Variants in TBX20 observed in about 807,000 individuals in gnomAD.
The protein encoded by TBX20 is T-box transcription factor TBX20.
A neutral mutation model predicts 42.9 loss-of-function variants in TBX20; 8 were observed. The observed-to-expected ratio is 0.19, with a 90% CI of 0.11 to 0.34. The LOEUF is 0.34. Ranked by LOEUF, TBX20 falls within the 10% of genes least tolerant of loss-of-function variation. TBX20 has a pLI of 1.00. For missense variants in TBX20, 411 were observed against 566.0 expected, an observed-to-expected ratio of 0.73 and a Z score of 2.78; for synonymous variants, 198 against 222.8, an observed-to-expected ratio of 0.89 and a Z score of 0.99.
At chr7:35,231,395 A>G (rs1789863207) in intron 6 of TBX20, 109 bp downstream of exon 6, 1 of 759,698 alleles carries the variant, frequency 1.3e-6, no homozygotes, top group Non-Finnish European at 2.3e-6. Context: ...ATAGAAGACT[A>G]TATATAGTAA....
chr7:35,253,585 G>T lies in TBX20; in HGVS notation c.36C>A (p.Ser12=). 6.2e-7 allele frequency: 1 copy of T among 1,612,262 alleles called. No individual in the cohort carries two copies. Among genetic ancestry groups the T allele is most frequent in the Non-Finnish European group, 8.5e-7 (1 of 1,180,012 alleles). The part of the protein sequence containing the change: ...EFTASPKPQL[S]SRANAFSIAA... ...CAATGGAGAAGGCGTTGGCCCGAGA[G>T]GAGAGTTGGGGCTTGGGGGACGCCG... The change falls in exon 1 of 8, where the codon TCC becomes TCA. Residue 12 remains serine, a synonymous_variant. Coordinates refer to ENST00000408931, the MANE Select transcript of TBX20 (RefSeq NM_001077653.2).
At chr7:35,253,352 C>A in intron 1 of TBX20, 142 bp downstream of exon 1, 1 of 985,062 alleles carries the variant, frequency 1.0e-6, no homozygotes, top group South Asian at 1.5e-5. Context: ...AAACTTGGAC[C>A]CAAAAGAAAA....
intron 1 of TBX20, among the ~76,000 whole-genome samples, chr7:35,251,847 G>T (rs1790311566): frequency 1.3e-5 from 2 of 152,164 alleles, no homozygotes; most frequent in Admixed American, 1.3e-4. Context: ...TCCTTGGCTT[G>T]CAGTCACCTC....
chr7:35,241,390 A>G (rs1222927805), intron 4 of TBX20, among the ~76,000 whole-genome samples: 1 of 152,250 alleles, frequency 6.6e-6, no homozygotes, highest in Non-Finnish European at 1.5e-5. Context: ...ACGCATGTCT[A>G]AATTTTCTAA....
chr7:35,253,439 A>AGACG, intron 1 of TBX20, 55 bp downstream of exon 1: 1 of 1,575,318 alleles, frequency 6.3e-7, no homozygotes, highest in Non-Finnish European at 8.6e-7. Context: ...CCAGGGGCAC[A>AGACG]GACGGATGCG....
intron 6 of TBX20, among the ~76,000 whole-genome samples, chr7:35,215,576 G>GTT (rs1789575515): frequency 6.6e-6 from 1 of 152,122 alleles, no homozygotes; most frequent in African/African-American, 2.4e-5. Context: ...ACAGACTGTA[G>GTT]TTTTAGTAGA....
chr7:35,205,070 ACT>A (rs1262515024), intron 6 of TBX20, among the ~76,000 whole-genome samples: 2 of 152,212 alleles, frequency 1.3e-5, no homozygotes, highest in Admixed American at 6.5e-5. Flanking sequence ...TCAGCGAAAG[ACT>A]CTAATATTCA....
At chr7:35,208,738 G>A (rs948014856) in intron 6 of TBX20, among the ~76,000 whole-genome samples, 72 of 49,722 alleles carry the variant, frequency 1.4e-3, no homozygotes, top group Middle Eastern at 0.025. Context: ...GCGAAACTCC[G>A]TCTCAAAAAA....
chr7:35,216,526 C>T (rs1004361866), intron 6 of TBX20, among the ~76,000 whole-genome samples: 1 of 152,250 alleles, frequency 6.6e-6, no homozygotes, highest in African/African-American at 2.4e-5. Flanking sequence ...TAATTGGTAC[C>T]TGACACATAA....
chr7:35,233,727 G>A (rs1421131564), intron 5 of TBX20, among the ~76,000 whole-genome samples: 3 of 152,192 alleles, frequency 2.0e-5, no homozygotes, highest in Non-Finnish European at 4.4e-5. Flanking sequence ...AAATCCTCCA[G>A]GACATGAGCT....
Position 35,253,477 on chromosome 7 carries a change from C to T in TBX20, c.127+17G>A. The stretch of plus-strand genomic sequence containing the variant: ...GCATCCCCAGTCCTCGGCGGACAGC[C>T]GGGTAGCCCAACTTACCCAGGGGTT... On this transcript the variant is annotated intron_variant, in intron 1 of 7. Coordinates refer to ENST00000408931, the MANE Select transcript of TBX20 (RefSeq NM_001077653.2). 6.2e-7 allele frequency: 1 copy of T among 1,605,924 alleles called. No individual in the cohort carries two copies. Among genetic ancestry groups the T allele is most frequent in the Non-Finnish European group, 8.5e-7 (1 of 1,176,622 alleles).
At chr7:35,247,671 A>T (rs1012237022) in intron 3 of TBX20, among the ~76,000 whole-genome samples, 2 of 152,196 alleles carry the variant, frequency 1.3e-5, no homozygotes, top group African/African-American at 4.8e-5. Flanking sequence ...CAGTTCCCAA[A>T]TCTGTACATT....
At chr7:35,224,978 T>A (rs2128712619) in intron 6 of TBX20, among the ~76,000 whole-genome samples, 1 of 152,000 alleles carries the variant, frequency 6.6e-6, no homozygotes, top group South Asian at 2.1e-4. Flanking sequence ...GAAATTTCAA[T>A]CAGTGTAATA....
At chr7:35,237,214 T>C (rs1350886648) in intron 5 of TBX20, among the ~76,000 whole-genome samples, 1 of 152,094 alleles carries the variant, frequency 6.6e-6, no homozygotes, top group Non-Finnish European at 1.5e-5. Context: ...CGTGGGGCCT[T>C]CTTCAAGGCA....
rs1562567917 is a variant in TBX20 at position 35,249,414 on chromosome 7, C to G, written c.380+537G>C. ...CAGCTTCCTGCCTGGCCAAAGCCCG[C>G]CCGGCTCTGGCGCCAAGAGGCCCCG... On this transcript the variant is annotated intron_variant, in intron 2 of 7. Coordinates refer to ENST00000408931, the MANE Select transcript of TBX20 (RefSeq NM_001077653.2). This position sits in a 1 kb window ranked among gnomAD's most constrained non-coding sequence, Gnocchi z 4.3. 6.6e-6 allele frequency among the ~76,000 whole-genome samples: 1 copy of G among 152,266 alleles called. No homozygotes were observed. The highest frequency in any genetic ancestry group is 1.5e-5 in the Non-Finnish European group (1 of 68,046).
chr7:35,217,147 G>T (rs2532149), intron 6 of TBX20, among the ~76,000 whole-genome samples: 1 of 151,368 alleles, frequency 6.6e-6, no homozygotes, highest in African/African-American at 2.4e-5. Flanking sequence ...AAGCTTTTAG[G>T]CTTTAGTTTA....
In TBX20 at chr7:35,204,580, T is replaced by C. The variant is rs1289296930; in HGVS notation, c.893A>G (p.Glu298Gly). 4 of 1,611,362 alleles carry C rather than the reference T, an allele frequency of 2.5e-6. No individual in the cohort carries two copies. The highest frequency in any genetic ancestry group is 2.2e-5 in the East Asian group (1 of 44,876). ...DSSRLTDIER[E>G]SVESLIQKHS... ...CTTTTGAATCAGGCTCTCCACACTTTCCCTAGGTTAGAGTGACATATCACA... is the reference window on the plus strand; with the variant it reads ...CTTTTGAATCAGGCTCTCCACACTTCCCCTAGGTTAGAGTGACATATCACA... Residue 298 changes from glutamate (E) to glycine (G), a missense_variant and splice_region_variant, in exon 7 of 8, where the codon GAA becomes GGA. Around this residue, in one of 5 missense-constraint regions of TBX20, gnomAD observed 162 missense variants for 205.4 expected, o/e 0.79. Coordinates refer to ENST00000408931, the MANE Select transcript of TBX20 (RefSeq NM_001077653.2).
At chr7:35,244,836 T>G in intron 4 of TBX20, 113 bp downstream of exon 4, 1 of 751,474 alleles carries the variant, frequency 1.3e-6, no homozygotes. Flanking sequence ...GACTCAGAGA[T>G]AGAAGGTGGG....
chr7:35,253,440 G>A, intron 1 of TBX20, 54 bp downstream of exon 1: 1 of 1,575,548 alleles, frequency 6.3e-7, no homozygotes. Flanking sequence ...CAGGGGCACA[G>A]ACGGATGCGC....
Sources: allele counts gnomAD v4.1 joint callset (sites outside exome capture counted in the v4.1 genomes callset), GRCh38; gene constraint gnomAD v4.1.1; regional missense constraint gnomAD v4.1.1; non-coding constraint Gnocchi (gnomAD v3.1); transcripts MANE v1.5; gene names NCBI Gene and HGNC (gene_info 2026-07-23, HGNC 2026-07-21).